GLB1L2: variants seen among roughly 807,000 people sequenced by gnomAD.
GLB1L2 encodes the protein galactosidase beta 1 like 2, also known as beta-galactosidase-1-like protein 2.
A neutral mutation model predicts 84.1 loss-of-function variants in GLB1L2; 68 were observed. The ratio of observed to expected loss-of-function variants is 0.81; its 90% CI spans 0.67 to 0.99. The LOEUF is 0.99. GLB1L2 is among the 50% of genes least tolerant of loss of function. The probability of loss-of-function intolerance (pLI) is 0.00; values close to 1 mark genes in which losing one functional copy is unlikely to be tolerated. For missense variants in GLB1L2, 762 were observed against 805.6 expected (o/e 0.95, Z 0.66); for synonymous variants, 290 against 318.0 (o/e 0.91, Z 0.94).
intron 9 of GLB1L2, among the ~76,000 whole-genome samples, chr11:134,367,952 A>G (rs1184134068): frequency 6.6e-6 from 1 of 152,164 alleles, no homozygotes; most frequent in African/African-American, 2.4e-5. Flanking sequence ...CGCTCTGCGC[A>G]CCCGGCTTTC....
At chr11:134,341,395 C>T (rs1217414371) in intron 1 of GLB1L2, among the ~76,000 whole-genome samples, 1 of 126,110 alleles carries the variant, frequency 7.9e-6, no homozygotes, top group East Asian at 2.3e-4. Flanking sequence ...ACAGTTCTAC[C>T]AAGCTGGGGG....
intron 15 of GLB1L2, 25 bp from the exon 16 acceptor site, chr11:134,373,696 C>G: frequency 6.5e-7 from 1 of 1,528,116 alleles, no homozygotes. Flanking sequence ...TTGGGCTACC[C>G]ACGTGTCCTG....
chr11:134,336,744 A>G (rs1943393457), intron 1 of GLB1L2, among the ~76,000 whole-genome samples: 2 of 142,868 alleles, frequency 1.4e-5, no homozygotes, highest in Non-Finnish European at 1.6e-5. Context: ...GATAAGTCCT[A>G]TGTGGTGGAT....
At chr11:134,349,398 G>A (rs1266050621) in intron 5 of GLB1L2, among the ~76,000 whole-genome samples, 1 of 152,244 alleles carries the variant, frequency 6.6e-6, no homozygotes, top group Admixed American at 6.5e-5. Flanking sequence ...GCTGCTGTGA[G>A]CATGGGTGTA....
intron 9 of GLB1L2, among the ~76,000 whole-genome samples, chr11:134,368,365 C>T (rs550683411): frequency 1.3e-5 from 2 of 152,292 alleles, no homozygotes; most frequent in East Asian, 1.9e-4. Context: ...AGGCCCTGGC[C>T]GACCTGGGCT....
chr11:134,374,881 C>A, intron 18 of GLB1L2, 91 bp from the exon 19 acceptor site: 2 of 1,342,304 alleles, frequency 1.5e-6, no homozygotes, highest in South Asian at 1.3e-5. Context: ...GGTTCCCAAA[C>A]CCTTTCCTTC....
At chr11:134,335,620 G>A (rs769811924) in intron 1 of GLB1L2, among the ~76,000 whole-genome samples, 37 of 152,158 alleles carry the variant, frequency 2.4e-4, no homozygotes, top group Non-Finnish European at 5.1e-4. Flanking sequence ...TGGTATAGGT[G>A]TGATTCAAGG....
chr11:134,347,863 C>T (rs543320004), intron 5 of GLB1L2, among the ~76,000 whole-genome samples: 1 of 152,280 alleles, frequency 6.6e-6, no homozygotes, highest in East Asian at 1.9e-4. Context: ...TAACCTTTGC[C>T]TATAAGACTG....
chr11:134,356,789 A>G (rs947419735), intron 6 of GLB1L2, among the ~76,000 whole-genome samples: 2 of 152,204 alleles, frequency 1.3e-5, no homozygotes, highest in African/African-American at 2.4e-5. Context: ...CCAAGCAAAG[A>G]AGAATCCTTG....
intron 1 of GLB1L2, among the ~76,000 whole-genome samples, chr11:134,340,597 C>T (rs1205076427): frequency 1.3e-5 from 2 of 152,184 alleles, no homozygotes; most frequent in African/African-American, 2.4e-5. Flanking sequence ...AAAGAAGGCC[C>T]GGACGGTGGC....
chr11:134,375,025 C>A lies in GLB1L2; in HGVS notation c.1878C>A (p.Thr626=), dbSNP rs780144919. The A allele has an allele frequency of 1.2e-6, 2 of 1,613,910 alleles. No individual in the cohort carries two copies. Among genetic ancestry groups the A allele is most frequent in the Admixed American group, 1.7e-5 (1 of 59,994 alleles). The change falls in exon 19 of 19, where the codon ACC becomes ACA. Residue 626 remains threonine, a synonymous_variant. Transcript: ENST00000535456. ...GCCCTGCATTACAGTTCACGGAAACCCCCCACCTGGGCAGGAACCAGTACA... is the reference window on the plus strand; with the variant it reads ...GCCCTGCATTACAGTTCACGGAAACACCCCACCTGGGCAGGAACCAGTACA... ...MAGPALQFTE[T]PHLGRNQYIK
At chr11:134,364,090 A>G (rs1159722307) in intron 7 of GLB1L2, among the ~76,000 whole-genome samples, 1 of 152,176 alleles carries the variant, frequency 6.6e-6, no homozygotes, top group African/African-American at 2.4e-5. Flanking sequence ...CATGCTGGCC[A>G]GGCTGGTCTC....
intron 15 of GLB1L2, among the ~76,000 whole-genome samples, chr11:134,373,141 A>G (rs1048737789): frequency 3.3e-5 from 5 of 152,326 alleles, no homozygotes; most frequent in Non-Finnish European, 7.4e-5. Flanking sequence ...CTCGGCCTCC[A>G]AATTCCCAAG....
intron 5 of GLB1L2, among the ~76,000 whole-genome samples, chr11:134,347,679 C>T (rs1165040023): frequency 6.6e-6 from 1 of 152,182 alleles, no homozygotes; most frequent in East Asian, 1.9e-4. Flanking sequence ...CTCACATTGC[C>T]ACATACAGCA....
intron 5 of GLB1L2, among the ~76,000 whole-genome samples, chr11:134,351,099 G>A (rs529249676): frequency 1.3e-5 from 2 of 152,318 alleles, no homozygotes; most frequent in Admixed American, 1.3e-4. Flanking sequence ...TGCTTGGTTT[G>A]TTCCTGATCG....
chr11:134,368,913 C>CTCTA, intron 10 of GLB1L2, 132 bp downstream of exon 10: 3 of 910,060 alleles, frequency 3.3e-6, no homozygotes, highest in Non-Finnish European at 5.0e-6. Flanking sequence ...GGAGAAGGTA[C>CTCTA]TTGCCTGGAC....
At chr11:134,356,245 G>T in intron 5 of GLB1L2, 56 bp from the exon 6 acceptor site, 1 of 1,353,948 alleles carries the variant, frequency 7.4e-7, no homozygotes. Context: ...TGGCAGGGTT[G>T]GATACTACAG....
chr11:134,357,513 T>C (rs978985560), intron 6 of GLB1L2, among the ~76,000 whole-genome samples: 4 of 152,220 alleles, frequency 2.6e-5, no homozygotes, highest in African/African-American at 7.2e-5. Context: ...GCACAGGACT[T>C]GAAGCGTCTC....
Position 134,334,046 on chromosome 11 carries a change from G to T in GLB1L2, c.86+1899G>T, listed in dbSNP as rs962419094. ...ACTTGGGCTGGACACCAGTGAGTAT[G>T]AGTTGCTGTAATATCTCTGGAGGCA... On this transcript the variant is annotated intron_variant, in intron 1 of 18. Transcript: ENST00000535456. This position sits in a 1 kb window ranked among gnomAD's most constrained non-coding sequence, Gnocchi z 4.1. 6.6e-6 allele frequency among the ~76,000 whole-genome samples: 1 copy of T among 152,142 alleles called. No homozygotes were observed.
Sources: gnomAD v4.1 joint callset for allele counts (sites outside exome capture counted in the v4.1 genomes callset) on GRCh38, gnomAD v4.1.1 for gene constraint, Gnocchi (gnomAD v3.1) non-coding constraint, MANE v1.5 for transcripts, NCBI Gene and HGNC (gene_info 2026-07-23, HGNC 2026-07-21) for gene names.